Variants in SLC39A9 observed in about 807,000 individuals in gnomAD.
SLC39A9 encodes the protein zinc transporter ZIP9.
A neutral mutation model predicts 28.4 loss-of-function variants in SLC39A9; 14 were observed. The observed-to-expected ratio is 0.49, with a 90% CI of 0.33 to 0.77. SLC39A9 has a LOEUF of 0.77. Ranked by LOEUF, SLC39A9 falls within the 30% of genes least tolerant of loss-of-function variation. The probability of loss-of-function intolerance (pLI) is 0.02; values close to 1 mark genes in which losing one functional copy is unlikely to be tolerated. For missense variants in SLC39A9, 283 were observed against 381.1 expected, an observed-to-expected ratio of 0.74 and a Z score of 2.14; for synonymous variants, 119 against 149.6, an observed-to-expected ratio of 0.80 and a Z score of 1.49.
At chr14:69,455,917 G>C (rs759944360) in intron 6 of SLC39A9, 51 bp downstream of exon 6, 5 of 1,582,166 alleles carry the variant, frequency 3.2e-6, no homozygotes, top group Non-Finnish European at 4.3e-6. Flanking sequence ...TGATCTCTTA[G>C]AATTTATGAT....
chr14:69,446,873 C>CAAAAAAAA (rs35612117), intron 3 of SLC39A9, among the ~76,000 whole-genome samples: 1 of 89,814 alleles, frequency 1.1e-5, no homozygotes, highest in Non-Finnish European at 2.1e-5. Flanking sequence ...AACTCTGTCT[C>CAAAAAAAA]AAAAAAAAAA....
intron 2 of SLC39A9, chr14:69,441,704 A>G: frequency 1.5e-6 from 1 of 688,866 alleles, no homozygotes. Context: ...GCCTATTTTC[A>G]TCAGAAAAAA....
At chr14:69,403,580 CAT>C (rs1176701413) in intron 1 of SLC39A9, among the ~76,000 whole-genome samples, 2 of 152,094 alleles carry the variant, frequency 1.3e-5, no homozygotes, top group African/African-American at 4.8e-5. Context: ...GAAAAAAAGA[CAT>C]AGAAAATACA....
chr14:69,460,316 C>T lies in SLC39A9; in HGVS notation c.*1723C>T, dbSNP rs2139465636. ...AAGCTTGTGAGCCCTCTGCTGGCCACAGTGAGGAAAGTAGCACAAATAGGA... is the reference window on the plus strand; with the variant it reads ...AAGCTTGTGAGCCCTCTGCTGGCCATAGTGAGGAAAGTAGCACAAATAGGA... On this transcript the variant is annotated 3_prime_UTR_variant, in exon 7 of 7. Transcript: ENST00000336643. The T allele has an allele frequency of 1.0e-6, 1 of 985,634 alleles. No individual in the cohort carries two copies. The highest frequency in any genetic ancestry group is 1.1e-4 in the East Asian group (1 of 8,816). 61.1% of individuals were successfully genotyped at this position (985,634 alleles called of 1,614,324 possible). A position where few individuals can be genotyped will look rare whatever the true frequency, so the allele number is the denominator to read the frequency against.
Position 69,453,327 on chromosome 14 carries a change from T to C in SLC39A9, c.472+18T>C. ...TGCTGCAGGTAGGGTTGGATTGCAG[T>C]GGAACTTCTTTGTTTTCTATCGCAC... is the stretch of plus-strand genomic sequence containing the variant. On this transcript the variant is annotated intron_variant, in intron 4 of 6. Transcript: ENST00000336643. 3 of 1,612,020 alleles carry C rather than the reference T, an allele frequency of 1.9e-6. No individual in the cohort carries two copies. Among genetic ancestry groups the C allele is most frequent in the Non-Finnish European group, 2.5e-6 (3 of 1,178,172 alleles).
At chr14:69,415,866 G>T (rs2140263037) in intron 1 of SLC39A9, among the ~76,000 whole-genome samples, 2 of 152,204 alleles carry the variant, frequency 1.3e-5, no homozygotes, top group South Asian at 4.2e-4. Flanking sequence ...TCAGTCAGAA[G>T]TTCAGTAATG....
chr14:69,424,980 A>G (rs1014221215), intron 2 of SLC39A9, among the ~76,000 whole-genome samples: 1 of 152,200 alleles, frequency 6.6e-6, no homozygotes, highest in Non-Finnish European at 1.5e-5. Flanking sequence ...TTGGTAGAGG[A>G]AAAGAACTGT....
intron 1 of SLC39A9, among the ~76,000 whole-genome samples, chr14:69,401,487 CATA>C (rs1212365157): frequency 1.1e-4 from 16 of 152,256 alleles, no homozygotes; most frequent in African/African-American, 3.9e-4. Flanking sequence ...TATGAATAAT[CATA>C]ATTAATTCTG....
At chr14:69,408,311 C>G (rs2140251074) in intron 1 of SLC39A9, among the ~76,000 whole-genome samples, 1 of 152,314 alleles carries the variant, frequency 6.6e-6, no homozygotes, top group Non-Finnish European at 1.5e-5. Flanking sequence ...CCATGCCCAG[C>G]CCCCTTTTGT....
intron 1 of SLC39A9, among the ~76,000 whole-genome samples, chr14:69,413,182 C>T (rs1883369312): frequency 6.6e-6 from 1 of 152,112 alleles, no homozygotes; most frequent in South Asian, 2.1e-4. Flanking sequence ...TGGTGAAACC[C>T]TGTCTCTACT....
At chr14:69,456,037 A>G (rs1242431472) in intron 6 of SLC39A9, among the ~76,000 whole-genome samples, 171 bp downstream of exon 6, 2 of 152,236 alleles carry the variant, frequency 1.3e-5, no homozygotes, top group African/African-American at 4.8e-5. Context: ...TCTTCATATT[A>G]GCATTTTCTT....
intron 2 of SLC39A9, among the ~76,000 whole-genome samples, chr14:69,435,503 C>T (rs1251168562): frequency 1.3e-5 from 2 of 152,128 alleles, no homozygotes; most frequent in East Asian, 3.9e-4. Flanking sequence ...AGTTTGACAA[C>T]CTCTGTCTTC....
chr14:69,421,802 C>T (rs934468389), intron 1 of SLC39A9, among the ~76,000 whole-genome samples: 15 of 152,160 alleles, frequency 9.9e-5, no homozygotes, highest in Non-Finnish European at 1.9e-4. Context: ...GTGTGGGACT[C>T]GCTAAGCAAG....
chr14:69,458,229 C>G (rs1255493285), intron 6 of SLC39A9, 134 bp from the exon 7 acceptor site: 1 of 1,045,456 alleles, frequency 9.6e-7, no homozygotes, highest in East Asian at 2.4e-5. Flanking sequence ...CTTAAAGTTG[C>G]TGTGTTCTCT....
chr14:69,423,597 A>G (rs8014375), intron 1 of SLC39A9, among the ~76,000 whole-genome samples: 1,618 of 152,260 alleles, frequency 0.011, 26 homozygotes, highest in African/African-American at 0.037. Context: ...TAACCTGGTC[A>G]TTTAAAAAAT....
At chr14:69,456,081 T>C (rs1885844409) in intron 6 of SLC39A9, among the ~76,000 whole-genome samples, 1 of 152,204 alleles carries the variant, frequency 6.6e-6, no homozygotes, top group South Asian at 2.1e-4. Context: ...TCCCTATCAA[T>C]CAGTTCCAAG....
At chr14:69,458,219 C>G (rs1440201893) in intron 6 of SLC39A9, 144 bp from the exon 7 acceptor site, 2 of 962,080 alleles carry the variant, frequency 2.1e-6, no homozygotes. Context: ...CCATGAATAA[C>G]TTAAAGTTGC....
chr14:69,398,564 C>G (rs2168241), upstream of SLC39A9: 74,367 of 426,140 alleles, frequency 0.17, 7,299 homozygotes, highest in South Asian at 0.25. Context: ...ACAGTGACAT[C>G]AGACATCTTT....
intron 6 of SLC39A9, 42 bp downstream of exon 6, chr14:69,455,908 G>A (rs1885835123): frequency 6.3e-7 from 1 of 1,594,304 alleles, no homozygotes; most frequent in African/African-American, 1.3e-5. Flanking sequence ...AGTGTCTTGT[G>A]ATCTCTTAGA....
Sources: allele counts gnomAD v4.1 joint callset (sites outside exome capture counted in the v4.1 genomes callset), GRCh38; gene constraint gnomAD v4.1.1; transcripts MANE v1.5; gene names NCBI Gene and HGNC (gene_info 2026-07-23, HGNC 2026-07-21).